The following SLC38A1 variants were observed in gnomAD, a reference collection of about 807,000 sequenced individuals.
SLC38A1 encodes the protein sodium-coupled neutral amino acid symporter 1.
SLC38A1 carries 18 observed loss-of-function variants against 60.3 expected under a neutral mutation model. The observed-to-expected ratio is 0.30, with a 90% CI of 0.21 to 0.44. SLC38A1 has a LOEUF of 0.44. SLC38A1 is among the 20% of genes least tolerant of loss of function. The pLI is 1.00. For synonymous variants in SLC38A1, 196 were observed against 212.1 expected, an observed-to-expected ratio of 0.92 and a Z score of 0.66; for missense variants, 448 against 587.2, an observed-to-expected ratio of 0.76 and a Z score of 2.45.
At chr12:46,255,663 C>T (rs1941995052) in intron 1 of SLC38A1, among the ~76,000 whole-genome samples, 3 of 152,174 alleles carry the variant, frequency 2.0e-5, no homozygotes, top group African/African-American at 4.8e-5. Context: ...TGTTACAATG[C>T]TAACTCTTTT....
intron 16 of SLC38A1, among the ~76,000 whole-genome samples, chr12:46,191,060 T>C (rs906019652): frequency 6.6e-6 from 1 of 152,226 alleles, no homozygotes; most frequent in Non-Finnish European, 1.5e-5. Context: ...GTTGTTATGG[T>C]GTTAGGTCTT....
At chr12:46,266,721 G>C (rs1352542872) in intron 1 of SLC38A1, among the ~76,000 whole-genome samples, 1 of 152,124 alleles carries the variant, frequency 6.6e-6, no homozygotes, top group Admixed American at 6.5e-5. Context: ...AATCTTGTTA[G>C]TTGCTGCCAG....
chr12:46,260,701 A>C (rs2138983592), intron 1 of SLC38A1, among the ~76,000 whole-genome samples: 1 of 152,260 alleles, frequency 6.6e-6, no homozygotes, highest in South Asian at 2.1e-4. Context: ...TCTCCTTGTC[A>C]CTCAGACTTG....
At chr12:46,198,110 A>G (rs1397262288) in intron 14 of SLC38A1, 50 bp from the exon 15 acceptor site, 13 of 1,591,638 alleles carry the variant, frequency 8.2e-6, no homozygotes, top group Non-Finnish European at 1.1e-5. Flanking sequence ...GCATGCCAAC[A>G]TTGACATTTC....
At chr12:46,241,533 T>G (rs897660127) in intron 2 of SLC38A1, among the ~76,000 whole-genome samples, 1 of 152,212 alleles carries the variant, frequency 6.6e-6, no homozygotes, top group African/African-American at 2.4e-5. Context: ...GCAAGGCACT[T>G]CCTCAAGAAG....
At chr12:46,230,286 A>C (rs994352732) in intron 3 of SLC38A1, among the ~76,000 whole-genome samples, 61 of 152,196 alleles carry the variant, frequency 4.0e-4, no homozygotes, top group Non-Finnish European at 4.1e-4. Flanking sequence ...GTAGGTAATA[A>C]GTGATGCAAA....
intron 5 of SLC38A1, among the ~76,000 whole-genome samples, chr12:46,211,115 C>T (rs377603952): frequency 1.3e-5 from 2 of 152,160 alleles, no homozygotes; most frequent in Admixed American, 6.5e-5. Context: ...AGCAAGCTTT[C>T]GGTTTCTTGC....
At chr12:46,256,165 C>CAAAAAAA in intron 1 of SLC38A1, among the ~76,000 whole-genome samples, 1 of 69,288 alleles carries the variant, frequency 1.4e-5, no homozygotes, top group Non-Finnish European at 3.3e-5. Flanking sequence ...GGTTCTATCT[C>CAAAAAAA]AAAAAAAAAA....
At chr12:46,253,051 T>C (rs1221281379) in intron 1 of SLC38A1, among the ~76,000 whole-genome samples, 1 of 150,830 alleles carries the variant, frequency 6.6e-6, no homozygotes, top group Non-Finnish European at 1.5e-5. Context: ...ACAGTTGTTA[T>C]AAAGAGTTTG....
At chr12:46,250,477 G>A (rs997024535) in intron 1 of SLC38A1, among the ~76,000 whole-genome samples, 9 of 152,218 alleles carry the variant, frequency 5.9e-5, no homozygotes, top group African/African-American at 2.2e-4. Context: ...AGTGTTGGAA[G>A]TTCTGGCCAG....
intron 3 of SLC38A1, chr12:46,239,094 T>C (rs1468872383): frequency 6.6e-6 from 1 of 152,352 alleles, no homozygotes; most frequent in Non-Finnish European, 1.5e-5. Context: ...AACACAGAGC[T>C]TGGTTGGGGT....
At chr12:46,246,226 G>A (rs1324499066) in intron 1 of SLC38A1, among the ~76,000 whole-genome samples, 3 of 152,228 alleles carry the variant, frequency 2.0e-5, no homozygotes, top group African/African-American at 7.2e-5. Context: ...GGAAGTGCAA[G>A]GGGTCTGGGA....
At chr12:46,193,238 G>C (rs889387835) in intron 16 of SLC38A1, among the ~76,000 whole-genome samples, 1 of 152,126 alleles carries the variant, frequency 6.6e-6, no homozygotes, top group African/African-American at 2.4e-5. Context: ...GTAGTTGTGT[G>C]GTTTTGAGTG....
rs1345032224 is a variant in SLC38A1, at chr12:46,183,113, T to C, written c.*5857A>G. 6.6e-6 allele frequency: 1 copy of C among 152,544 alleles called. No homozygotes were observed. Among genetic ancestry groups the C allele is most frequent in the Non-Finnish European group, 1.5e-5 (1 of 68,020 alleles). 9.4% of individuals were successfully genotyped at this position (152,544 alleles called of 1,614,324 possible). A position where few individuals can be genotyped will look rare whatever the true frequency, so the allele number is the denominator to read the frequency against. On this transcript the variant is annotated 3_prime_UTR_variant, in exon 17 of 17. Coordinates refer to ENST00000398637, the MANE Select transcript of SLC38A1 (RefSeq NM_030674.4). Reference sequence around the variant, plus strand: ...TTTAAAAACTATGTTAACAGAGCAGTTATAGAACAGAACTTCTTATATTTC... The same window carrying C: ...TTTAAAAACTATGTTAACAGAGCAGCTATAGAACAGAACTTCTTATATTTC...
Position 46,258,012 on chromosome 12 carries a change from G to A in SLC38A1, c.-209+10514C>T, listed in dbSNP as rs563545378. Among the ~76,000 whole-genome samples, 3 of 152,306 alleles carry A rather than the reference G, an allele frequency of 2.0e-5. No homozygotes were observed. In the South Asian group the frequency reaches 6.2e-4, roughly 32 times the overall value. On this transcript the variant is annotated intron_variant, in intron 1 of 16. Transcript: ENST00000398637. ...TTCTTGATGATTTGCTAAACAAGGGGTGAATTATTCATGCTTCCCATTTTT... is the reference window on the plus strand; with the variant it reads ...TTCTTGATGATTTGCTAAACAAGGGATGAATTATTCATGCTTCCCATTTTT...
At position 46,186,269 on chromosome 12, in the gene SLC38A1, G is replaced by A. The variant is rs967154404; in HGVS notation, c.*2701C>T. 1 of 152,118 alleles carries A rather than the reference G, an allele frequency of 6.6e-6. No homozygotes were observed. Among genetic ancestry groups the A allele is most frequent in the Non-Finnish European group, 1.5e-5 (1 of 68,030 alleles). The allele number at this position is 152,118 out of a possible 1,614,324, so 9.4% of individuals were successfully genotyped here. A position where few individuals can be genotyped will look rare whatever the true frequency, so the allele number is the denominator to read the frequency against. On this transcript the variant is annotated 3_prime_UTR_variant, in exon 17 of 17. Transcript: ENST00000398637. ...AATAAGTAACATTAAGTAAATTAGG[G>A]ATTGACAGTATTCTGTGTTACAATA... is the stretch of plus-strand genomic sequence containing the variant.
chr12:46,205,034 A>C (rs774601157), intron 9 of SLC38A1, among the ~76,000 whole-genome samples: 1 of 152,198 alleles, frequency 6.6e-6, no homozygotes, highest in African/African-American at 2.4e-5. Context: ...GTCAGTTATA[A>C]TACTTTTCTC....
chr12:46,252,251 C>T (rs1368398202), intron 1 of SLC38A1, among the ~76,000 whole-genome samples: 6 of 152,228 alleles, frequency 3.9e-5, no homozygotes, highest in African/African-American at 1.4e-4. Context: ...GAAAATCAAA[C>T]ACTGCATGTT....
At chr12:46,229,121 A>T in intron 5 of SLC38A1, 32 bp downstream of exon 5, 1 of 1,307,752 alleles carries the variant, frequency 7.6e-7, no homozygotes, top group Non-Finnish European at 1.1e-6. Flanking sequence ...GTTCAGTTTT[A>T]AAATGGAAAG....
Sources: allele counts gnomAD v4.1 joint callset (sites outside exome capture counted in the v4.1 genomes callset), GRCh38; gene constraint gnomAD v4.1.1; transcripts MANE v1.5; gene names NCBI Gene and HGNC (gene_info 2026-07-23, HGNC 2026-07-21).